CPS1: variants seen among roughly 807,000 people sequenced by gnomAD.
CPS1 encodes carbamoyl-phosphate synthase [ammonia], mitochondrial.
In CPS1, 109 loss-of-function variants were observed where a neutral mutation model predicts 174.6. The observed-to-expected ratio is 0.62, with a 90% CI of 0.53 to 0.73. The LOEUF (loss-of-function observed/expected upper bound fraction) is 0.73, where lower values mean the gene tolerates loss of function less well. CPS1 is among the 30% of genes least tolerant of loss of function. The pLI, the probability that CPS1 is intolerant of heterozygous loss-of-function variation, is 0.00. For synonymous variants in CPS1, 637 were observed against 632.0 expected (o/e 1.01, Z -0.12); for missense variants, 1,689 against 1,821.9 (o/e 0.93, Z 1.33).
At chr2:210,624,944 A>G (rs987163105) in intron 21 of CPS1, among the ~76,000 whole-genome samples, 4 of 152,072 alleles carry the variant, frequency 2.6e-5, no homozygotes, top group Non-Finnish European at 1.5e-5. Context: ...CATACTCAGA[A>G]TATGTGTATA....
intron 21 of CPS1, among the ~76,000 whole-genome samples, chr2:210,629,955 C>T (rs1046624804): frequency 2.0e-5 from 3 of 151,462 alleles, no homozygotes; most frequent in Admixed American, 2.0e-4. Flanking sequence ...CGCCTGTAGT[C>T]CCAGCTACTC....
At chr2:210,485,675 C>T (rs1694696983) in intron 1 of CPS1, among the ~76,000 whole-genome samples, 1 of 152,088 alleles carries the variant, frequency 6.6e-6, no homozygotes, top group African/African-American at 2.4e-5. Flanking sequence ...TTTCTCCATT[C>T]ATCTGTTGAT....
At chr2:210,495,314 T>C (rs1415355049) in intron 1 of CPS1, among the ~76,000 whole-genome samples, 1 of 152,160 alleles carries the variant, frequency 6.6e-6, no homozygotes, top group Non-Finnish European at 1.5e-5. Context: ...ATGACACTTT[T>C]GGTCCAGTGG....
chr2:210,513,937 A>C (rs1310064284), intron 1 of CPS1, among the ~76,000 whole-genome samples: 3 of 152,088 alleles, frequency 2.0e-5, no homozygotes, highest in African/African-American at 7.2e-5. Context: ...AATTTATTGA[A>C]TAGGAAGTTC....
chr2:210,653,587 A>G (rs1559129008), intron 28 of CPS1, among the ~76,000 whole-genome samples: 2 of 152,182 alleles, frequency 1.3e-5, no homozygotes, highest in African/African-American at 2.4e-5. Context: ...TCTCAAAGAG[A>G]AATATGATTT....
chr2:210,491,313 T>C (rs1219184944), intron 1 of CPS1, among the ~76,000 whole-genome samples: 14 of 108,454 alleles, frequency 1.3e-4, no homozygotes, highest in Non-Finnish European at 2.7e-4. Context: ...CTGTGTTTTT[T>C]TTTTTTTTTT....
intron 21 of CPS1, chr2:210,618,478 TTA>T (rs1699393636): frequency 3.9e-5 from 6 of 152,100 alleles, no homozygotes; most frequent in Non-Finnish European, 7.4e-5. Context: ...ATCCACGGCG[TTA>T]GCAAACCTAA....
At chr2:210,677,841 A>C (rs1701581793) in intron 37 of CPS1, 46 bp from the exon 38 acceptor site, 1 of 1,401,448 alleles carries the variant, frequency 7.1e-7, no homozygotes, top group African/African-American at 1.4e-5. Context: ...TTAAAAATTC[A>C]CTTTTATCTC....
chr2:210,571,786 A>G (rs565918093), intron 1 of CPS1, among the ~76,000 whole-genome samples: 2 of 151,828 alleles, frequency 1.3e-5, no homozygotes, highest in Non-Finnish European at 2.9e-5. Context: ...AGTGCATGTT[A>G]TAAAGCAAGA....
At chr2:210,626,664 T>C (rs963375063) in intron 21 of CPS1, among the ~76,000 whole-genome samples, 2 of 152,236 alleles carry the variant, frequency 1.3e-5, no homozygotes, top group Non-Finnish European at 1.5e-5. Flanking sequence ...TGGTGAGAAC[T>C]AACCAGTGTT....
At position 210,573,437 on chromosome 2, in the gene CPS1, T is replaced by C. The variant is rs1430338463; in HGVS notation, c.236+30T>C. On this transcript the variant is annotated intron_variant, in intron 2 of 37. Transcript: ENST00000233072. The stretch of plus-strand genomic sequence containing the variant: ...GTAATGCTTTTCCAAGGCTTTATTT[T>C]TCCTCTAGTAGAGAAATAACTGGAA... 3 of 1,490,234 alleles carry C rather than the reference T, an allele frequency of 2.0e-6. No individual in the cohort carries two copies. In the South Asian group the frequency reaches 3.4e-5, roughly 17 times the overall value. The allele number at this position is 1,490,234 out of a possible 1,614,324, so 92.3% of individuals were successfully genotyped here.
chr2:210,665,700 C>T (rs1701073824), intron 33 of CPS1, among the ~76,000 whole-genome samples: 1 of 151,112 alleles, frequency 6.6e-6, no homozygotes, highest in Admixed American at 6.6e-5. Flanking sequence ...ATATATGTGC[C>T]ACATTTTCTT....
chr2:210,663,789 G>C lies in CPS1; in HGVS notation c.4002+592G>C, dbSNP rs112328141. ...GATTGTGAAATGTGTTTCTTGTAAA[G>C]AGCTGTCAGATTCTAGAAAGTTCTC... On this transcript the variant is annotated intron_variant, in intron 33 of 37. Transcript: ENST00000233072. 5.5e-3 allele frequency among the ~76,000 whole-genome samples: 839 copies of C among 152,146 alleles called. 7 individuals are homozygous for C. Among genetic ancestry groups the C allele is most frequent in the Non-Finnish European group, 9.5e-3 (643 of 67,992 alleles).
intron 24 of CPS1, among the ~76,000 whole-genome samples, chr2:210,640,452 A>ACCT (rs369418604): frequency 2.0e-5 from 3 of 152,282 alleles, no homozygotes; most frequent in African/African-American, 7.2e-5. Flanking sequence ...TGCAGATACC[A>ACCT]CCTCTGACCT....
intron 1 of CPS1, among the ~76,000 whole-genome samples, chr2:210,491,892 G>T (rs1377913205): frequency 1.3e-5 from 2 of 152,204 alleles, no homozygotes; most frequent in African/African-American, 4.8e-5. Context: ...CTCAGTTCTT[G>T]TTTCTTAACT....
At chr2:210,624,045 C>T (rs1410627400) in intron 21 of CPS1, among the ~76,000 whole-genome samples, 1 of 152,032 alleles carries the variant, frequency 6.6e-6, no homozygotes, top group Non-Finnish European at 1.5e-5. Context: ...GATAATATAA[C>T]ATATAATCAC....
chr2:210,492,115 C>A (rs1694891496), intron 1 of CPS1, among the ~76,000 whole-genome samples: 1 of 152,194 alleles, frequency 6.6e-6, no homozygotes, highest in African/African-American at 2.4e-5. Context: ...CACTATCCCT[C>A]CAGAATTCTT....
At chr2:210,488,084 G>C (rs550363191) in intron 1 of CPS1, among the ~76,000 whole-genome samples, 1 of 152,076 alleles carries the variant, frequency 6.6e-6, no homozygotes, top group Non-Finnish European at 1.5e-5. Flanking sequence ...TTGAATCTGC[G>C]TTGAAATGGC....
At chr2:210,497,885 T>TATAC (rs1338051806) in intron 1 of CPS1, among the ~76,000 whole-genome samples, 5 of 115,102 alleles carry the variant, frequency 4.3e-5, no homozygotes, top group African/African-American at 6.9e-5. Flanking sequence ...TAGAACAATA[T>TATAC]ATACATACAT....
Sources: allele counts gnomAD v4.1 joint callset (sites outside exome capture counted in the v4.1 genomes callset), GRCh38; gene constraint gnomAD v4.1.1; transcripts MANE v1.5; gene names NCBI Gene and HGNC (gene_info 2026-07-23, HGNC 2026-07-21).